FGF14: variants seen among roughly 807,000 people sequenced by gnomAD.
FGF14 encodes fibroblast growth factor 14.
Under a neutral mutation model 25.5 loss-of-function variants are expected in FGF14, and 5 were observed. The observed-to-expected ratio is 0.20, with a 90% CI of 0.10 to 0.41. The LOEUF (loss-of-function observed/expected upper bound fraction) is 0.41, where lower values mean the gene tolerates loss of function less well. Ranked by LOEUF, FGF14 falls within the 10% of genes least tolerant of loss-of-function variation. The probability of loss-of-function intolerance (pLI) is 1.00; values close to 1 mark genes in which losing one functional copy is unlikely to be tolerated. For synonymous variants in FGF14, 138 were observed against 118.3 expected (o/e 1.17, Z -1.08); for missense variants, 222 against 320.1 (o/e 0.69, Z 2.34).
intron 3 of FGF14, among the ~76,000 whole-genome samples, chr13:101,797,070 CTTCT>C (rs1437098364): frequency 6.6e-6 from 1 of 152,124 alleles, no homozygotes; most frequent in Admixed American, 6.6e-5. Flanking sequence ...TCTCGCAAGT[CTTCT>C]TTTTCTCATA....
chr13:102,213,385 G>A (rs1164548926), intron 1 of FGF14, among the ~76,000 whole-genome samples: 1 of 152,158 alleles, frequency 6.6e-6, no homozygotes, highest in Non-Finnish European at 1.5e-5. Flanking sequence ...GATTCTCAAA[G>A]CACTTTGCAT....
In FGF14 at chr13:101,715,453, C is replaced by T; in HGVS notation, c.*7378G>A. On this transcript the variant is annotated 3_prime_UTR_variant, in exon 5 of 5. Transcript: ENST00000376143. ...CATCATTGCACAATAAGAAAATCTA[C>T]CAAGGATGAATGAAATGATTTCATT... is the stretch of plus-strand genomic sequence containing the variant. 1 of 796,984 alleles carries T rather than the reference C, an allele frequency of 1.3e-6. No individual in the cohort carries two copies. Among genetic ancestry groups the T allele is most frequent in the East Asian group, 2.5e-5 (1 of 40,546 alleles). The allele number at this position is 796,984 out of a possible 1,614,324, so 49.4% of individuals were successfully genotyped here. A position where few individuals can be genotyped will look rare whatever the true frequency, so the allele number is the denominator to read the frequency against.
chr13:102,041,537 AAACAGT>A (rs2041737670), intron 1 of FGF14, among the ~76,000 whole-genome samples: 1 of 71,342 alleles, frequency 1.4e-5, no homozygotes, highest in Non-Finnish European at 3.2e-5. Context: ...TAAAAAAAAA[AAACAGT>A]GTATGTTAAG....
intron 1 of FGF14, among the ~76,000 whole-genome samples, chr13:102,197,798 A>G (rs1205027332): frequency 6.6e-6 from 1 of 152,188 alleles, no homozygotes; most frequent in Non-Finnish European, 1.5e-5. Context: ...CCCATCCAAA[A>G]TAGTTTTAGA....
At chr13:102,086,342 G>A (rs767834667) in intron 1 of FGF14, among the ~76,000 whole-genome samples, 7 of 152,056 alleles carry the variant, frequency 4.6e-5, no homozygotes, top group Non-Finnish European at 1.0e-4. Context: ...AACCAGGATA[G>A]AGACGGTGAA....
chr13:102,146,711 A>G (rs1157009199), intron 1 of FGF14, among the ~76,000 whole-genome samples: 1 of 152,178 alleles, frequency 6.6e-6, no homozygotes, highest in Non-Finnish European at 1.5e-5. Flanking sequence ...TAGATAATAT[A>G]AAAATCCTCC....
At chr13:101,877,131 A>T (rs980633989) in intron 1 of FGF14, among the ~76,000 whole-genome samples, 25 of 152,162 alleles carry the variant, frequency 1.6e-4, no homozygotes, top group African/African-American at 6.0e-4. Context: ...CAGGCGAGGC[A>T]GTGAGAAGCC....
At chr13:101,895,766 TGA>T (rs763260369) in intron 1 of FGF14, among the ~76,000 whole-genome samples, 25 of 152,200 alleles carry the variant, frequency 1.6e-4, no homozygotes, top group Admixed American at 2.0e-4. Context: ...GAGAGATTTG[TGA>T]GAGTTATATG....
intron 1 of FGF14, among the ~76,000 whole-genome samples, chr13:101,940,266 G>A (rs770529143): frequency 1.4e-4 from 22 of 152,182 alleles, no homozygotes; most frequent in African/African-American, 2.2e-4. Context: ...AAGGGTGATC[G>A]GGAGGTCTCC....
At chr13:102,401,412 G>A (rs2139297654) in intron 1 of FGF14, 16 of 1,508,914 alleles carry the variant, frequency 1.1e-5, no homozygotes, top group Non-Finnish European at 1.5e-5. Flanking sequence ...GATCTAGCTC[G>A]ATGAGCAACA....
intron 1 of FGF14, among the ~76,000 whole-genome samples, chr13:102,371,788 G>C (rs2057893010): frequency 6.6e-6 from 1 of 152,120 alleles, no homozygotes; most frequent in Admixed American, 6.5e-5. Context: ...GTGTGTTATG[G>C]AGTAATTAGG....
At chr13:102,001,404 CAAAG>C (rs2039487884) in intron 1 of FGF14, among the ~76,000 whole-genome samples, 1 of 152,084 alleles carries the variant, frequency 6.6e-6, no homozygotes, top group African/African-American at 2.4e-5. Flanking sequence ...GCATTAGGCT[CAAAG>C]AGACTTTTGG....
rs1289409992 is a variant in FGF14, at chr13:101,721,199, A to C, written c.*1632T>G. On this transcript the variant is annotated 3_prime_UTR_variant, in exon 5 of 5. Coordinates refer to ENST00000376143, the MANE Select transcript of FGF14 (RefSeq NM_004115.4). ...ACATTGAATTTTATTAGGTGTACAC[A>C]GAGTTAACAAATAAATTCCCAAACA... 6.6e-6 allele frequency: 1 copy of C among 152,058 alleles called. No homozygotes were observed. The highest frequency in any genetic ancestry group is 1.5e-5 in the Non-Finnish European group (1 of 68,012). 9.4% of individuals were successfully genotyped at this position (152,058 alleles called of 1,614,324 possible). A position where few individuals can be genotyped will look rare whatever the true frequency, so the allele number is the denominator to read the frequency against.
rs2035227375 is a variant in FGF14, at chr13:101,938,195, T to G, written c.209-62899A>C. 2.0e-5 allele frequency among the ~76,000 whole-genome samples: 3 copies of G among 152,298 alleles called. No homozygotes were observed. In the South Asian group the frequency reaches 6.2e-4, roughly 32 times the overall value. ...CTTCACTTTTGATTTCACTCTCATC[T>G]TGGAGACTAAATCCACTTATGAATA... On this transcript the variant is annotated intron_variant, in intron 1 of 4. Coordinates refer to the FGF14 transcript ENST00000376131.
intron 1 of FGF14, among the ~76,000 whole-genome samples, chr13:102,341,712 A>G (rs1266795645): frequency 6.7e-6 from 1 of 150,162 alleles, no homozygotes; most frequent in Non-Finnish European, 1.5e-5. Context: ...GAAAGCTGAC[A>G]TACAGCTATG....
rs552659782 is a variant in FGF14, at chr13:101,831,814, G to T, written c.408+36911C>A. ...CTGTCAAGCTCAAATAGGCACAACTGTTCTGTGCTAGAGTAAAATCTAAGG... is the reference window on the plus strand; with the variant it reads ...CTGTCAAGCTCAAATAGGCACAACTTTTCTGTGCTAGAGTAAAATCTAAGG... On this transcript the variant is annotated intron_variant, in intron 3 of 4. Transcript: ENST00000376143. Among the ~76,000 whole-genome samples the T allele has an allele frequency of 9.3e-4, 141 of 152,188 alleles. 2 individuals are homozygous for T. The highest frequency in any genetic ancestry group is 4.9e-4 in the Non-Finnish European group (33 of 67,986).
At chr13:102,003,100 C>T (rs778829108) in intron 1 of FGF14, 21 of 152,044 alleles carry the variant, frequency 1.4e-4, no homozygotes, top group Non-Finnish European at 2.6e-4. Flanking sequence ...TTCATAGATA[C>T]AAAAAATGAG....
chr13:101,913,098 A>G (rs1484942345), intron 1 of FGF14, among the ~76,000 whole-genome samples: 2 of 152,246 alleles, frequency 1.3e-5, no homozygotes, highest in Non-Finnish European at 2.9e-5. Context: ...AGGAGATGGC[A>G]TTTTCTCTCA....
chr13:102,138,577 C>T (rs143163446), intron 1 of FGF14, among the ~76,000 whole-genome samples: 1 of 133,048 alleles, frequency 7.5e-6, no homozygotes, highest in African/African-American at 2.9e-5. Context: ...TCCTGCCATC[C>T]AAGGCCAGAG....
Sources: allele counts gnomAD v4.1 joint callset (sites outside exome capture counted in the v4.1 genomes callset), GRCh38; gene constraint gnomAD v4.1.1; transcripts MANE v1.5; gene names NCBI Gene and HGNC (gene_info 2026-07-23, HGNC 2026-07-21).